The following AGAP3 variants were observed in gnomAD, a reference collection of about 807,000 sequenced individuals.
The protein encoded by AGAP3 is arf-GAP with GTPase, ANK repeat and PH domain-containing protein 3.
Under a neutral mutation model 96.9 loss-of-function variants are expected in AGAP3, and 24 were observed. That is an observed-to-expected ratio of 0.25 (90% CI 0.18 to 0.35). The LOEUF is 0.35. AGAP3 is among the 10% of genes least tolerant of loss of function. The probability of loss-of-function intolerance (pLI) is 1.00; values close to 1 mark genes in which losing one functional copy is unlikely to be tolerated. For missense variants in AGAP3, 876 were observed against 1,254.2 expected (o/e 0.70, Z 4.55); for synonymous variants, 563 against 536.1 (o/e 1.05, Z -0.69).
chr7:151,116,528 G>A (rs1287126292), intron 1 of AGAP3: 13 of 533,688 alleles, frequency 2.4e-5, no homozygotes, highest in Non-Finnish European at 4.0e-5. Flanking sequence ...AGGAAGAGGA[G>A]GAAGGACACA....
At chr7:151,119,510 G>A (rs1000335280) in intron 7 of AGAP3, among the ~76,000 whole-genome samples, 3 of 152,200 alleles carry the variant, frequency 2.0e-5, no homozygotes, top group Non-Finnish European at 4.4e-5. Flanking sequence ...CCTGCCATGG[G>A]CATGCTAGAA....
Position 151,095,816 on chromosome 7 carries a change from G to GC in AGAP3, c.331+8750dup, listed in dbSNP as rs560438123. The stretch of plus-strand genomic sequence containing the variant: ...CCATCACTCTGAGGCAGCACCCCCT[G>GC]CCCCCCTGCCACCCCATTATTACTT... On this transcript the variant is annotated intron_variant, in intron 1 of 17. Coordinates refer to ENST00000397238, the MANE Select transcript of AGAP3 (RefSeq NM_031946.7). Among the ~76,000 whole-genome samples, 212 of 147,516 alleles carry GC rather than the reference G, an allele frequency of 1.4e-3. 1 individual carries two copies. The highest frequency in any genetic ancestry group is 5.0e-3 in the African/African-American group (200 of 40,120).
Position 151,118,654 on chromosome 7 carries a change from G to A in AGAP3, c.969+22G>A. Reference sequence around the variant, plus strand: ...CCAGGTTCGGCCTGTGCCCCGCCCTGCCCTTCCTGTCCCCACCATGTCTGT... The same window carrying A: ...CCAGGTTCGGCCTGTGCCCCGCCCTACCCTTCCTGTCCCCACCATGTCTGT... On this transcript the variant is annotated intron_variant, in intron 7 of 17. Transcript: ENST00000397238. This position sits in a 1 kb window ranked among gnomAD's most constrained non-coding sequence, Gnocchi z 6.1. 6.2e-7 allele frequency: 1 copy of A among 1,607,744 alleles called. No individual in the cohort carries two copies. The highest frequency in any genetic ancestry group is 8.5e-7 in the Non-Finnish European group (1 of 1,178,750).
intron 1 of AGAP3, chr7:151,115,131 C>A: frequency 9.6e-7 from 1 of 1,038,448 alleles, no homozygotes; most frequent in Non-Finnish European, 1.2e-6. Flanking sequence ...GCCGACTCCG[C>A]GGCCCCGGCC....
Position 151,086,666 on chromosome 7 carries a change from CGCT to C in AGAP3, c.-73_-71del, listed in dbSNP as rs1418396302. The C allele has an allele frequency of 1.8e-4, 13 of 73,504 alleles. No homozygotes were observed. Among genetic ancestry groups the C allele is most frequent in the African/African-American group, 3.7e-4 (3 of 8,132 alleles). 4.6% of individuals were successfully genotyped at this position (73,504 alleles called of 1,614,324 possible). ...CCGCCAGCCCCGCGCTCCCGCTCGC[CGCT>C]GCCGCCGCCGCCGCCGCCGCCGCCT... On this transcript the variant is annotated 5_prime_UTR_variant, in exon 1 of 18. Transcript: ENST00000397238.
chr7:151,130,899 G>A (rs1018527334), intron 10 of AGAP3, among the ~76,000 whole-genome samples: 2 of 152,188 alleles, frequency 1.3e-5, no homozygotes, highest in Admixed American at 1.3e-4. Context: ...TCCAGCCTGA[G>A]CATGCTCTTC....
chr7:151,111,594 G>C (rs1799288319), intron 1 of AGAP3, among the ~76,000 whole-genome samples: 1 of 149,926 alleles, frequency 6.7e-6, no homozygotes. Context: ...TCACCCCCCT[G>C]TGCACACGCA....
intron 10 of AGAP3, among the ~76,000 whole-genome samples, chr7:151,129,784 C>T (rs1302591304): frequency 6.6e-6 from 1 of 152,038 alleles, no homozygotes; most frequent in South Asian, 2.1e-4. Context: ...GGGAAGAGCG[C>T]CTACCACAGA....
At chr7:151,088,870 C>A (rs1798263314) in intron 1 of AGAP3, among the ~76,000 whole-genome samples, 1 of 152,200 alleles carries the variant, frequency 6.6e-6, no homozygotes, top group Non-Finnish European at 1.5e-5. Flanking sequence ...AGAGCCCTCC[C>A]CTGACCGACT....
In AGAP3 at chr7:151,142,728, A is replaced by G; in HGVS notation, c.2273+94A>G. 1 of 1,350,740 alleles carries G rather than the reference A, an allele frequency of 7.4e-7. No individual in the cohort carries two copies. The allele number at this position is 1,350,740 out of a possible 1,614,324, so 83.7% of individuals were successfully genotyped here. On this transcript the variant is annotated intron_variant, in intron 16 of 17. Coordinates refer to ENST00000397238, the MANE Select transcript of AGAP3 (RefSeq NM_031946.7). This position sits in a 1 kb window ranked among gnomAD's most constrained non-coding sequence, Gnocchi z 7.5. The stretch of plus-strand genomic sequence containing the variant: ...ATTGGAGTGGCTGTGATGGTATTAG[A>G]AGGGTTAAAACTGTCTGTTGCTCTG...
chr7:151,122,997 C>T (rs1799983769), intron 8 of AGAP3: 6 of 1,414,640 alleles, frequency 4.2e-6, no homozygotes, highest in South Asian at 1.5e-5. Flanking sequence ...CAGGCCCGGC[C>T]GGACGCTGCA....
intron 1 of AGAP3, among the ~76,000 whole-genome samples, chr7:151,103,444 C>T (rs971305334): frequency 1.3e-5 from 2 of 151,934 alleles, no homozygotes; most frequent in African/African-American, 4.8e-5. Context: ...TGACAGATTC[C>T]CCCCACCCCC....
intron 1 of AGAP3, among the ~76,000 whole-genome samples, chr7:151,107,853 C>T (rs1799120822): frequency 6.6e-6 from 1 of 152,220 alleles, no homozygotes; most frequent in African/African-American, 2.4e-5. Context: ...AAAGGTGCAA[C>T]ACGGCATAGA....
At chr7:151,099,266 C>A (rs1396911190) in intron 1 of AGAP3, among the ~76,000 whole-genome samples, 1 of 151,406 alleles carries the variant, frequency 6.6e-6, no homozygotes, top group Non-Finnish European at 1.5e-5. Flanking sequence ...TGGTGTGAAC[C>A]CGGGAGGCGG....
intron 7 of AGAP3, 62 bp from the exon 8 acceptor site, chr7:151,119,925 C>G: frequency 6.4e-7 from 1 of 1,569,982 alleles, no homozygotes; most frequent in Non-Finnish European, 8.7e-7. Context: ...TTCCCGGCAC[C>G]CGCCTGGTGC....
rs1412469365 is a variant in AGAP3 at position 151,141,677 on chromosome 7, A to G, written c.1805-221A>G. 5.9e-5 allele frequency: 34 copies of G among 579,942 alleles called. No homozygotes were observed. In the East Asian group the frequency reaches 9.4e-4, roughly 16 times the overall value. 35.9% of individuals were successfully genotyped at this position (579,942 alleles called of 1,614,324 possible). ...CCATCTGTTTTCACTTAAGCTCCACAGGTGGTTAGGAATGAGAACTGGGAG... is the reference window on the plus strand; with the variant it reads ...CCATCTGTTTTCACTTAAGCTCCACGGGTGGTTAGGAATGAGAACTGGGAG... On this transcript the variant is annotated intron_variant, in intron 13 of 17. Coordinates refer to ENST00000397238, the MANE Select transcript of AGAP3 (RefSeq NM_031946.7). The surrounding 1 kb of genome is among the most constrained non-coding windows in gnomAD (Gnocchi z 4.2).
At chr7:151,120,378 A>T in intron 8 of AGAP3, 1 of 655,920 alleles carries the variant, frequency 1.5e-6, no homozygotes, top group Non-Finnish European at 2.7e-6. Context: ...CCCTGTCCCC[A>T]CAGTCCTCCC....
At chr7:151,103,335 T>C (rs1199090218) in intron 1 of AGAP3, among the ~76,000 whole-genome samples, 1 of 152,210 alleles carries the variant, frequency 6.6e-6, no homozygotes, top group Non-Finnish European at 1.5e-5. Context: ...AGATAAGACC[T>C]TTAAAAACAG....
intron 1 of AGAP3, among the ~76,000 whole-genome samples, chr7:151,105,792 CCACACACACACACACACA>C (rs60071807): frequency 3.7e-5 from 1 of 26,926 alleles, no homozygotes; most frequent in East Asian, 1.7e-3. Context: ...CCCCCCGACA[CCACACACACACACACACA>C]CACACACACA....
Sources: gnomAD v4.1 joint callset for allele counts (sites outside exome capture counted in the v4.1 genomes callset) on GRCh38, gnomAD v4.1.1 for gene constraint, Gnocchi (gnomAD v3.1) non-coding constraint, MANE v1.5 for transcripts, NCBI Gene and HGNC (gene_info 2026-07-23, HGNC 2026-07-21) for gene names.